NRP1: variants seen among roughly 807,000 people sequenced by gnomAD.
NRP1 encodes neuropilin-1.
A neutral mutation model predicts 106.7 loss-of-function variants in NRP1; 35 were observed. The observed-to-expected ratio is 0.33, with a 90% CI of 0.25 to 0.43. The LOEUF is 0.43. NRP1 is among the 20% of genes least tolerant of loss of function. The probability of loss-of-function intolerance (pLI) is 1.00; values close to 1 mark genes in which losing one functional copy is unlikely to be tolerated. For missense variants in NRP1, 1,024 were observed against 1,170.4 expected (o/e 0.87, Z 1.83); for synonymous variants, 437 against 417.9 (o/e 1.05, Z -0.56).
At chr10:33,251,744 A>T (rs77967774) in intron 6 of NRP1, among the ~76,000 whole-genome samples, 2,317 of 152,306 alleles carry the variant, frequency 0.015, 75 homozygotes, top group African/African-American at 0.053. Flanking sequence ...TGCCTTGCGC[A>T]GAAGAATTGC....
chr10:33,308,070 A>G (rs557685450), intron 2 of NRP1, among the ~76,000 whole-genome samples: 1 of 152,332 alleles, frequency 6.6e-6, no homozygotes, highest in South Asian at 2.1e-4. Context: ...TTTCAGGAAC[A>G]TGGACGCAGC....
At chr10:33,253,798 T>C (rs1588853273) in intron 6 of NRP1, among the ~76,000 whole-genome samples, 1 of 152,214 alleles carries the variant, frequency 6.6e-6, no homozygotes, top group Non-Finnish European at 1.5e-5. Flanking sequence ...TTTTCAGGGA[T>C]GTCATCTTGG....
chr10:33,194,803 C>T (rs760191856), intron 12 of NRP1: 6 of 511,110 alleles, frequency 1.2e-5, no homozygotes, highest in East Asian at 1.1e-4. Context: ...ACACACAAAC[C>T]ACCCATAAAC....
At chr10:33,190,075 A>G (rs1321467672) in intron 13 of NRP1, among the ~76,000 whole-genome samples, 3 of 152,258 alleles carry the variant, frequency 2.0e-5, no homozygotes, top group African/African-American at 7.2e-5. Flanking sequence ...TTAATCTACG[A>G]CAAGCTCTCC....
chr10:33,305,492 T>C (rs1192560043), intron 2 of NRP1, among the ~76,000 whole-genome samples: 1 of 151,788 alleles, frequency 6.6e-6, no homozygotes, highest in Non-Finnish European at 1.5e-5. Context: ...GGGAAAGCAA[T>C]ATGGCTGAAG....
intron 2 of NRP1, among the ~76,000 whole-genome samples, chr10:33,308,241 A>T (rs1255382685): frequency 6.6e-6 from 1 of 152,042 alleles, no homozygotes; most frequent in Non-Finnish European, 1.5e-5. Flanking sequence ...GGAAAGGATC[A>T]AAAAACTACC....
In NRP1 at chr10:33,271,355, T is replaced by A. The variant is rs181275294; in HGVS notation, c.249-499A>T. Among the ~76,000 whole-genome samples, 533 of 152,326 alleles carry A rather than the reference T, an allele frequency of 3.5e-3. 8 individuals are homozygous for A. Among genetic ancestry groups the A allele is most frequent in the Admixed American group, 0.01 (160 of 15,302 alleles). On this transcript the variant is annotated intron_variant, in intron 2 of 16. Transcript: ENST00000374867. ...TATGGCCACAGAATAATAAACAGAT[T>A]CTTTACTATTTAACTGCATTCCACC...
intron 6 of NRP1, among the ~76,000 whole-genome samples, chr10:33,231,099 G>T (rs1326753605): frequency 1.3e-5 from 2 of 152,156 alleles, no homozygotes; most frequent in Non-Finnish European, 2.9e-5. Flanking sequence ...GACATACAAA[G>T]TTCCTTTGCC....
At chr10:33,257,814 T>C (rs1431950820) in intron 4 of NRP1, among the ~76,000 whole-genome samples, 1 of 151,312 alleles carries the variant, frequency 6.6e-6, no homozygotes, top group African/African-American at 2.4e-5. Context: ...CATAAAAAAG[T>C]CCCTTTTTTT....
chr10:33,304,230 C>T (rs1156241462), intron 2 of NRP1, among the ~76,000 whole-genome samples: 1 of 152,196 alleles, frequency 6.6e-6, no homozygotes, highest in Non-Finnish European at 1.5e-5. Flanking sequence ...TATTTCTGGT[C>T]TCCATTCCGT....
At chr10:33,326,443 G>C (rs961523931) in intron 2 of NRP1, among the ~76,000 whole-genome samples, 1 of 151,966 alleles carries the variant, frequency 6.6e-6, no homozygotes, top group Non-Finnish European at 1.5e-5. Flanking sequence ...GGATTTTGCT[G>C]GCAAAAAAGA....
intron 1 of NRP1, 69 bp downstream of exon 1, chr10:33,334,241 G>A (rs1848473893): frequency 3.5e-6 from 5 of 1,429,286 alleles, no homozygotes; most frequent in Non-Finnish European, 4.8e-6. Context: ...CCCCGCCTGA[G>A]CCCCGGTCCG....
chr10:33,285,849 A>T (rs2776929), intron 2 of NRP1, among the ~76,000 whole-genome samples: 2 of 151,900 alleles, frequency 1.3e-5, no homozygotes, highest in Non-Finnish European at 2.9e-5. Flanking sequence ...AAAACAAAAC[A>T]AAACAAAACA....
At chr10:33,287,891 G>A (rs1844694598) in intron 2 of NRP1, among the ~76,000 whole-genome samples, 2 of 152,158 alleles carry the variant, frequency 1.3e-5, no homozygotes, top group African/African-American at 4.8e-5. Flanking sequence ...CATTTCCATA[G>A]CAGCTTGTCT....
At chr10:33,305,913 C>G (rs1192362464) in intron 2 of NRP1, among the ~76,000 whole-genome samples, 2 of 151,968 alleles carry the variant, frequency 1.3e-5, no homozygotes, top group Admixed American at 1.3e-4. Context: ...GGACTACAGG[C>G]ACATACCACC....
rs368485522 is a variant in NRP1, at chr10:33,231,495, G to A, written c.982-5206C>T. Among the ~76,000 whole-genome samples, 3 of 152,048 alleles carry A rather than the reference G, an allele frequency of 2.0e-5. No individual in the cohort carries two copies. In the East Asian group the frequency reaches 5.8e-4, roughly 29 times the overall value. On this transcript the variant is annotated intron_variant, in intron 6 of 16. Transcript: ENST00000374867. Reference sequence around the variant, plus strand: ...ATATTACCTCTATGCCTGATAACTGGCTTTATAATGGAGTTTTATAGACGT... The same window carrying A: ...ATATTACCTCTATGCCTGATAACTGACTTTATAATGGAGTTTTATAGACGT...
chr10:33,183,268 T>A (rs186257469), intron 15 of NRP1, among the ~76,000 whole-genome samples: 18 of 151,030 alleles, frequency 1.2e-4, no homozygotes, highest in African/African-American at 4.4e-4. Flanking sequence ...ATGGTGCCAC[T>A]GCACTCCACC....
intron 12 of NRP1, among the ~76,000 whole-genome samples, chr10:33,197,198 G>A (rs376637725): frequency 1.9e-3 from 286 of 152,220 alleles, no homozygotes; most frequent in African/African-American, 5.6e-3. Context: ...CCTGAACCCC[G>A]TTTTGTGGCA....
At chr10:33,189,522 C>G (rs763295013) in intron 13 of NRP1, among the ~76,000 whole-genome samples, 1 of 152,190 alleles carries the variant, frequency 6.6e-6, no homozygotes, top group Non-Finnish European at 1.5e-5. Flanking sequence ...GCGTAGGGAC[C>G]TCTTCCTTTA....
Sources: gnomAD v4.1 joint callset for allele counts (sites outside exome capture counted in the v4.1 genomes callset) on GRCh38, gnomAD v4.1.1 for gene constraint, MANE v1.5 for transcripts, NCBI Gene and HGNC (gene_info 2026-07-23, HGNC 2026-07-21) for gene names.